Variants in OPCML observed in about 807,000 individuals in gnomAD.
OPCML encodes opioid-binding protein/cell adhesion molecule.
A neutral mutation model predicts 37.8 loss-of-function variants in OPCML; 13 were observed. The ratio of observed to expected loss-of-function variants is 0.34; its 90% CI spans 0.22 to 0.55. The LOEUF (loss-of-function observed/expected upper bound fraction) is 0.55. Ranked by LOEUF, OPCML falls within the 20% of genes least tolerant of loss-of-function variation. The pLI is 0.91. For missense variants in OPCML, 341 were observed against 435.6 expected (o/e 0.78, Z 1.93); for synonymous variants, 176 against 168.8 (o/e 1.04, Z -0.33).
chr11:133,225,909 A>G (rs1237145369), intron 1 of OPCML, among the ~76,000 whole-genome samples: 2 of 152,248 alleles, frequency 1.3e-5, no homozygotes, highest in Non-Finnish European at 2.9e-5. Context: ...GATACCAAAT[A>G]TTCTTCAAAC....
At chr11:133,266,939 TTTTAAA>T (rs981598787) in intron 1 of OPCML, among the ~76,000 whole-genome samples, 1 of 152,188 alleles carries the variant, frequency 6.6e-6, no homozygotes, top group African/African-American at 2.4e-5. Flanking sequence ...GGAAGCTACC[TTTTAAA>T]TTTAATCTCA....
rs79697870 is a variant in OPCML at position 132,877,311 on chromosome 11, A to G, written c.146+65615T>C. Among the ~76,000 whole-genome samples the G allele has an allele frequency of 2.8e-3, 433 of 152,304 alleles. 2 individuals are homozygous for G. The highest frequency in any genetic ancestry group is 9.8e-3 in the African/African-American group (407 of 41,564). On this transcript the variant is annotated intron_variant, in intron 2 of 7. Coordinates refer to ENST00000524381, the MANE Select transcript of OPCML (RefSeq NM_001012393.5). ...CACCCCCCCACCCAAAAAAAGATGC[A>G]ATATTCACTTGAATAAGGGTAAAAG...
chr11:132,807,986 A>G (rs549983972), intron 2 of OPCML, among the ~76,000 whole-genome samples: 1 of 152,222 alleles, frequency 6.6e-6, no homozygotes, highest in Non-Finnish European at 1.5e-5. Context: ...GTAAATGTAG[A>G]TCTTTCTTTC....
intron 2 of OPCML, among the ~76,000 whole-genome samples, chr11:132,792,995 G>A (rs1316080372): frequency 6.6e-6 from 1 of 152,214 alleles, no homozygotes; most frequent in African/African-American, 2.4e-5. Context: ...GGCAGGCACT[G>A]TGAATTCAGA....
At chr11:133,065,889 A>C (rs1177227171) in intron 1 of OPCML, 1 of 152,396 alleles carries the variant, frequency 6.6e-6, no homozygotes, top group Non-Finnish European at 1.5e-5. Context: ...CACCCATCAC[A>C]CTACTGAATC....
intron 2 of OPCML, among the ~76,000 whole-genome samples, chr11:132,875,684 G>A (rs1379940848): frequency 6.6e-6 from 1 of 152,030 alleles, no homozygotes; most frequent in Non-Finnish European, 1.5e-5. Context: ...GGCTGGTCTC[G>A]AACTCACGAC....
chr11:133,056,587 C>T (rs1324101643), intron 1 of OPCML, among the ~76,000 whole-genome samples: 1 of 152,198 alleles, frequency 6.6e-6, no homozygotes. Context: ...GATGAAGCAA[C>T]ATTCCTCCAA....
intron 1 of OPCML, among the ~76,000 whole-genome samples, chr11:133,225,019 G>A (rs748414540): frequency 9.9e-5 from 15 of 152,278 alleles, no homozygotes; most frequent in Non-Finnish European, 2.2e-4. Flanking sequence ...TCTGTCAATA[G>A]GCTGCCTCAT....
intron 1 of OPCML, among the ~76,000 whole-genome samples, chr11:133,022,800 A>G (rs943213882): frequency 3.9e-5 from 6 of 152,094 alleles, no homozygotes; most frequent in African/African-American, 1.4e-4. Flanking sequence ...CCTAACCTAA[A>G]CTAATCCTTC....
At chr11:133,466,273 A>C (rs892142091) in intron 1 of OPCML, among the ~76,000 whole-genome samples, 3 of 152,234 alleles carry the variant, frequency 2.0e-5, no homozygotes, top group Admixed American at 1.3e-4. Context: ...TAAGACAAAC[A>C]CTTGAACACT....
chr11:132,767,771 C>G (rs60090450), intron 2 of OPCML, among the ~76,000 whole-genome samples: 5,469 of 151,468 alleles, frequency 0.036, 186 homozygotes, highest in African/African-American at 0.092. Flanking sequence ...TCTATGAAAA[C>G]TAAGTAGAAT....
intron 3 of OPCML, among the ~76,000 whole-genome samples, chr11:132,614,872 A>T (rs1410007929): frequency 6.6e-6 from 1 of 152,228 alleles, no homozygotes; most frequent in Non-Finnish European, 1.5e-5. Flanking sequence ...CGTTTTTGTC[A>T]CTGACTGTTT....
At chr11:133,432,361 TA>T (rs111307212) in intron 1 of OPCML, among the ~76,000 whole-genome samples, 39 of 152,136 alleles carry the variant, frequency 2.6e-4, no homozygotes, top group African/African-American at 8.2e-4. Flanking sequence ...TCTATTTTTT[TA>T]AAAAAAACAC....
intron 1 of OPCML, among the ~76,000 whole-genome samples, chr11:133,141,710 C>G (rs1023997138): frequency 1.3e-5 from 2 of 152,220 alleles, no homozygotes; most frequent in African/African-American, 4.8e-5. Flanking sequence ...GTCAACATAG[C>G]TTCAACCAGC....
intron 1 of OPCML, among the ~76,000 whole-genome samples, chr11:133,429,530 A>G (rs1241983812): frequency 4.6e-5 from 7 of 152,230 alleles, no homozygotes. Context: ...TAAAGAAACA[A>G]GACTAAAATT....
chr11:133,374,843 G>A (rs1450441399), intron 1 of OPCML, among the ~76,000 whole-genome samples: 1 of 152,098 alleles, frequency 6.6e-6, no homozygotes, highest in Non-Finnish European at 1.5e-5. Flanking sequence ...TTCTCCCACT[G>A]CCCACTTCCA....
chr11:132,973,256 G>T (rs1277636171), intron 1 of OPCML, among the ~76,000 whole-genome samples: 1 of 151,952 alleles, frequency 6.6e-6, no homozygotes. Flanking sequence ...TGTGCAAGTG[G>T]GTATTGTCAC....
intron 2 of OPCML, among the ~76,000 whole-genome samples, chr11:132,887,149 A>G (rs754363393): frequency 2.0e-5 from 3 of 152,240 alleles, no homozygotes; most frequent in Non-Finnish European, 4.4e-5. Flanking sequence ...TCGTAGGACC[A>G]TAATACCATA....
chr11:132,599,351 A>G (rs1022258135), intron 3 of OPCML, among the ~76,000 whole-genome samples: 2 of 139,174 alleles, frequency 1.4e-5, no homozygotes, highest in African/African-American at 2.8e-5. Flanking sequence ...GAGGAGGAAG[A>G]AGGAGGAGAA....
Sources: allele counts gnomAD v4.1 joint callset (sites outside exome capture counted in the v4.1 genomes callset), GRCh38; gene constraint gnomAD v4.1.1; transcripts MANE v1.5; gene names NCBI Gene and HGNC (gene_info 2026-07-23, HGNC 2026-07-21).